The following SIRT1 variants were observed in gnomAD, a reference collection of about 807,000 sequenced individuals.
SIRT1 encodes the protein NAD-dependent protein deacetylase sirtuin-1.
Under a neutral mutation model 67.9 loss-of-function variants are expected in SIRT1, and 24 were observed. The ratio of observed to expected loss-of-function variants is 0.35; its 90% confidence interval spans 0.26 to 0.50. SIRT1 has a LOEUF of 0.50. Among genes scored for constraint, SIRT1 ranks in the 20% least tolerant of loss-of-function variants. The pLI is 0.98. For missense variants in SIRT1, 873 were observed against 937.2 expected, an observed-to-expected ratio of 0.93 and a Z score of 0.89; for synonymous variants, 378 against 350.7, an observed-to-expected ratio of 1.08 and a Z score of -0.87.
chr10:67,889,185 G>A (rs1842531184), intron 3 of SIRT1, 62 bp downstream of exon 3: 3 of 1,489,286 alleles, frequency 2.0e-6, no homozygotes, highest in Non-Finnish European at 2.7e-6. Context: ...TTCCAAGTAG[G>A]AAACATTTTT....
intron 4 of SIRT1, among the ~76,000 whole-genome samples, chr10:67,894,184 G>GA (rs1842618621): frequency 6.6e-6 from 1 of 152,086 alleles, no homozygotes; most frequent in Admixed American, 6.6e-5. Context: ...TGTAAAGTGG[G>GA]AAAATTATAT....
In SIRT1 at chr10:67,884,691, G is replaced by C; in HGVS notation, c.-31G>C. Reference sequence around the variant, plus strand: ...CGCGTCGAGCGGGAGCAGAGGAGGCGAGGGAGGAGGGCCAGAGAGGCAGTT... The same window carrying C: ...CGCGTCGAGCGGGAGCAGAGGAGGCCAGGGAGGAGGGCCAGAGAGGCAGTT... On this transcript the variant is annotated 5_prime_UTR_variant, in exon 1 of 9. Coordinates refer to ENST00000212015, the MANE Select transcript of SIRT1 (RefSeq NM_012238.5). 1 of 1,227,706 alleles carries C rather than the reference G, an allele frequency of 8.1e-7. No individual in the cohort carries two copies. Among genetic ancestry groups the C allele is most frequent in the Non-Finnish European group, 1.0e-6 (1 of 985,424 alleles). The allele number at this position is 1,227,706 out of a possible 1,614,324, so 76.1% of individuals were successfully genotyped here. A position where few individuals can be genotyped will look rare whatever the true frequency, so the allele number is the denominator to read the frequency against.
intron 8 of SIRT1, among the ~76,000 whole-genome samples, 187 bp downstream of exon 8, chr10:67,913,218 GTTTA>G (rs1842925551): frequency 2.0e-5 from 3 of 152,180 alleles, no homozygotes; most frequent in African/African-American, 7.2e-5. Context: ...AGAAGGAAGT[GTTTA>G]ATAGTGCTCT....
chr10:67,888,822 AT>A, intron 2 of SIRT1, 59 bp from the exon 3 acceptor site: 1 of 1,532,658 alleles, frequency 6.5e-7, no homozygotes, highest in Admixed American at 2.1e-5. Flanking sequence ...ACTTCAGAAA[AT>A]AAATGAGATT....
At chr10:67,906,558 G>A (rs1243561224) in intron 4 of SIRT1, among the ~76,000 whole-genome samples, 4 of 151,988 alleles carry the variant, frequency 2.6e-5, no homozygotes, top group African/African-American at 7.2e-5. Context: ...TTTATGGGCC[G>A]ACTTTGTCTT....
In SIRT1 at chr10:67,916,246, T is replaced by G; in HGVS notation, c.1916-19T>G. 6.3e-7 allele frequency: 1 copy of G among 1,580,218 alleles called. No individual in the cohort carries two copies. Among genetic ancestry groups the G allele is most frequent in the Non-Finnish European group, 8.6e-7 (1 of 1,156,520 alleles). The stretch of plus-strand genomic sequence containing the variant: ...AGTGTTAGAAAACTGAAAGTAACAT[T>G]TTTATTACTGTATTTCAGGTAATCA... On this transcript the variant is annotated intron_variant, in intron 8 of 8. Transcript: ENST00000212015.
chr10:67,911,981 C>CT (rs1842907742), intron 7 of SIRT1, among the ~76,000 whole-genome samples: 3 of 152,240 alleles, frequency 2.0e-5, no homozygotes, highest in African/African-American at 7.2e-5. Flanking sequence ...TCGGGTTGGT[C>CT]TTGAACTCCT....
chr10:67,914,043 A>G (rs1276881165), intron 8 of SIRT1, among the ~76,000 whole-genome samples: 1 of 151,056 alleles, frequency 6.6e-6, no homozygotes, highest in African/African-American at 2.4e-5. Context: ...TGAACAAAAC[A>G]TCACACAAAA....
At chr10:67,890,035 A>C (rs1176328802) in intron 3 of SIRT1, among the ~76,000 whole-genome samples, 2 of 149,588 alleles carry the variant, frequency 1.3e-5, no homozygotes, top group East Asian at 3.9e-4. Context: ...GCTGGAGTGC[A>C]GTGGTGTCAT....
chr10:67,885,275 C>T, intron 1 of SIRT1, 124 bp downstream of exon 1: 1 of 1,246,022 alleles, frequency 8.0e-7, no homozygotes, highest in Non-Finnish European at 1.0e-6. Flanking sequence ...CCTCCCCACC[C>T]CGGCCCTCCG....
intron 1 of SIRT1, chr10:67,885,418 T>A: frequency 8.2e-7 from 1 of 1,225,352 alleles, no homozygotes; most frequent in South Asian, 4.2e-5. Context: ...ACTCTCGCAG[T>A]CGCTTTAAAA....
rs147639446 is a variant in SIRT1 at position 67,889,170 on chromosome 10, G to T, written c.789+47G>T. ...GGAGGTCGTATATGTATTTTCTTAT[G>T]CCTTTTCCAAGTAGGAAACATTTTT... is the stretch of plus-strand genomic sequence containing the variant. On this transcript the variant is annotated intron_variant, in intron 3 of 8. Transcript: ENST00000212015. 11 of 1,515,482 alleles carry T rather than the reference G, an allele frequency of 7.3e-6. 1 individual carries two copies. In the South Asian group the frequency reaches 9.2e-5, roughly 13 times the overall value. 93.9% of individuals were successfully genotyped at this position (1,515,482 alleles called of 1,614,324 possible). A position where few individuals can be genotyped will look rare whatever the true frequency, so the allele number is the denominator to read the frequency against.
At chr10:67,901,394 C>G (rs1842742826) in intron 4 of SIRT1, among the ~76,000 whole-genome samples, 1 of 152,124 alleles carries the variant, frequency 6.6e-6, no homozygotes, top group African/African-American at 2.4e-5. Context: ...TACTTACTTG[C>G]TCTTGTGACC....
At chr10:67,891,323 A>C (rs1589069915) in intron 3 of SIRT1, 79 bp from the exon 4 acceptor site, 5 of 1,273,062 alleles carry the variant, frequency 3.9e-6, no homozygotes, top group Non-Finnish European at 5.5e-6. Flanking sequence ...ACTCTTACCT[A>C]ATTATATGGT....
At chr10:67,893,569 G>A (rs112466739) in intron 4 of SIRT1, among the ~76,000 whole-genome samples, 5,997 of 147,648 alleles carry the variant, frequency 0.041, 167 homozygotes, top group Admixed American at 0.088. Context: ...TGGAGACGGA[G>A]TCTGGCTCTG....
In SIRT1 at chr10:67,912,492, T is replaced by C. The variant is rs1842915159; in HGVS notation, c.1376T>C (p.Val459Ala). ...ALIPSSIPHE[V>A]PQILINREPL... ...ATTTTAGGTTCCATACCCCATGAAG[T>C]GCCTCAGATATTAATTAATAGAGAA... The change falls in exon 8 of 9, where the codon GTG (valine) becomes GCG (alanine). Residue 459 changes from valine (V) to alanine (A), a missense_variant. This residue lies in a region of SIRT1 where 251 missense variants were observed against 358.8 expected (regional missense o/e 0.70). Coordinates refer to ENST00000212015, the MANE Select transcript of SIRT1 (RefSeq NM_012238.5). 6.2e-7 allele frequency: 1 copy of C among 1,609,234 alleles called. No individual in the cohort carries two copies. The highest frequency in any genetic ancestry group is 1.3e-5 in the African/African-American group (1 of 74,588).
intron 4 of SIRT1, among the ~76,000 whole-genome samples, chr10:67,893,294 C>T (rs1842602368): frequency 1.3e-5 from 2 of 152,106 alleles, no homozygotes; most frequent in Non-Finnish European, 1.5e-5. Context: ...CTTTTCCACC[C>T]CTTGCCCCCC....
chr10:67,895,425 A>G (rs917530616), intron 4 of SIRT1, among the ~76,000 whole-genome samples: 5 of 152,174 alleles, frequency 3.3e-5, no homozygotes, highest in African/African-American at 1.2e-4. Context: ...TAGTATCCTG[A>G]CACGGAGGAT....
intron 7 of SIRT1, among the ~76,000 whole-genome samples, chr10:67,911,806 C>G (rs1392187619): frequency 1.5e-5 from 2 of 131,996 alleles, no homozygotes; most frequent in African/African-American, 3.4e-5. Context: ...TATCCTCCCT[C>G]CCTCCCTCAT....
Sources: allele counts gnomAD v4.1 joint callset (sites outside exome capture counted in the v4.1 genomes callset), GRCh38; gene constraint gnomAD v4.1.1; regional missense constraint gnomAD v4.1.1; transcripts MANE v1.5; gene names NCBI Gene and HGNC (gene_info 2026-07-23, HGNC 2026-07-21).